The following NUBPL variants were observed in gnomAD, a reference collection of about 807,000 sequenced individuals.
NUBPL encodes NUBP iron-sulfur cluster assembly factor, mitochondrial.
Under a neutral mutation model 45.7 loss-of-function variants are expected in NUBPL, and 31 were observed. The observed-to-expected ratio is 0.68, with a 90% confidence interval of 0.51 to 0.92. The LOEUF is 0.92. NUBPL is among the 40% of genes least tolerant of loss of function. NUBPL has a pLI of 0.00. For missense variants in NUBPL, 401 were observed against 398.7 expected (o/e 1.01, Z -0.05); for synonymous variants, 144 against 140.9 (o/e 1.02, Z -0.15).
At chr14:31,776,109 G>A (rs573528185) in intron 6 of NUBPL, among the ~76,000 whole-genome samples, 56 of 152,022 alleles carry the variant, frequency 3.7e-4, no homozygotes, top group Non-Finnish European at 6.9e-4. Flanking sequence ...TTATAATTTG[G>A]TATTCTTATT....
chr14:31,711,894 C>A (rs1033108637), intron 6 of NUBPL, among the ~76,000 whole-genome samples: 4 of 151,666 alleles, frequency 2.6e-5, no homozygotes, highest in African/African-American at 9.7e-5. Flanking sequence ...TTTGTTCCTC[C>A]CGTCTGGAGT....
At chr14:31,776,026 A>G (rs2039092542) in intron 6 of NUBPL, among the ~76,000 whole-genome samples, 1 of 152,218 alleles carries the variant, frequency 6.6e-6, no homozygotes, top group South Asian at 2.1e-4. Flanking sequence ...GTGAGTCTCT[A>G]AGCCTCCAGA....
At chr14:31,765,098 A>C (rs1347535702) in intron 6 of NUBPL, among the ~76,000 whole-genome samples, 1 of 152,242 alleles carries the variant, frequency 6.6e-6, no homozygotes, top group African/African-American at 2.4e-5. Flanking sequence ...AACACGGGAA[A>C]GACATAGGTC....
intron 6 of NUBPL, among the ~76,000 whole-genome samples, chr14:31,674,885 C>T (rs1389533990): frequency 4.6e-5 from 7 of 151,988 alleles, no homozygotes; most frequent in Admixed American, 3.9e-4. Context: ...GCCTGTAATC[C>T]CAGCACTTTG....
intron 4 of NUBPL, among the ~76,000 whole-genome samples, chr14:31,618,518 G>A (rs912551965): frequency 6.6e-6 from 1 of 152,094 alleles, no homozygotes. Flanking sequence ...CTTTATTTCT[G>A]CCTTCATTTC....
chr14:31,638,071 G>T (rs776141550), intron 4 of NUBPL, among the ~76,000 whole-genome samples: 4 of 152,030 alleles, frequency 2.6e-5, no homozygotes, highest in Non-Finnish European at 5.9e-5. Flanking sequence ...TTTAATTGGA[G>T]CATTTAGGCC....
chr14:31,613,693 T>A (rs1447167189), intron 4 of NUBPL, among the ~76,000 whole-genome samples: 2 of 152,066 alleles, frequency 1.3e-5, no homozygotes, highest in African/African-American at 4.8e-5. Flanking sequence ...CCTGACCTTG[T>A]GATCCTCCTG....
At chr14:31,787,981 A>T in intron 7 of NUBPL, 108 bp downstream of exon 7, 2 of 709,062 alleles carry the variant, frequency 2.8e-6, no homozygotes, top group Non-Finnish European at 5.0e-6. Context: ...AAAAATATTC[A>T]TTCACTTATA....
At chr14:31,819,866 C>A (rs1029122835) in intron 7 of NUBPL, among the ~76,000 whole-genome samples, 1 of 152,030 alleles carries the variant, frequency 6.6e-6, no homozygotes, top group Non-Finnish European at 1.5e-5. Flanking sequence ...CTTGGCCAGG[C>A]GTGGTGGCTC....
At chr14:31,658,007 A>C (rs1359400909) in intron 4 of NUBPL, among the ~76,000 whole-genome samples, 1 of 152,210 alleles carries the variant, frequency 6.6e-6, no homozygotes, top group Non-Finnish European at 1.5e-5. Flanking sequence ...AAATCTACCT[A>C]AAAGATATGT....
At chr14:31,613,515 G>C (rs910062300) in intron 4 of NUBPL, among the ~76,000 whole-genome samples, 4 of 151,678 alleles carry the variant, frequency 2.6e-5, no homozygotes, top group African/African-American at 7.3e-5. Flanking sequence ...GCAGTGGTGC[G>C]ATCTCAGGTC....
chr14:31,645,869 A>G (rs1405170504), intron 4 of NUBPL, among the ~76,000 whole-genome samples: 1 of 142,552 alleles, frequency 7.0e-6, no homozygotes, highest in African/African-American at 2.6e-5. Context: ...TGTTTTCGAT[A>G]GATTTCTCTT....
At chr14:31,726,249 C>G (rs112344717) in intron 6 of NUBPL, among the ~76,000 whole-genome samples, 1,610 of 152,124 alleles carry the variant, frequency 0.011, 24 homozygotes, top group African/African-American at 0.037. Flanking sequence ...AAGATCTGTC[C>G]AAAGCACCGA....
intron 6 of NUBPL, among the ~76,000 whole-genome samples, chr14:31,769,662 T>TAA (rs397972624): frequency 2.7e-5 from 4 of 149,154 alleles, no homozygotes; most frequent in African/African-American, 9.8e-5. Flanking sequence ...TCCTTTTTTT[T>TAA]AAAAAAAAAA....
At chr14:31,846,221 A>G (rs2040449596) in intron 8 of NUBPL, 1 of 439,228 alleles carries the variant, frequency 2.3e-6, no homozygotes, top group East Asian at 4.8e-5. Flanking sequence ...TCTTCTTTCT[A>G]GGCAGAATTT....
At chr14:31,761,989 G>A (rs1041234967) in intron 6 of NUBPL, among the ~76,000 whole-genome samples, 2 of 151,950 alleles carry the variant, frequency 1.3e-5, no homozygotes, top group African/African-American at 4.8e-5. Context: ...AAGTTTTTTG[G>A]GGATCAGTTT....
chr14:31,667,634 T>C (rs938190070), intron 4 of NUBPL, among the ~76,000 whole-genome samples: 2 of 152,346 alleles, frequency 1.3e-5, no homozygotes, highest in East Asian at 3.9e-4. Flanking sequence ...AGAGGCATTC[T>C]GGTTTTTGGA....
intron 3 of NUBPL, among the ~76,000 whole-genome samples, chr14:31,586,346 T>C (rs561099811): frequency 1.3e-5 from 2 of 152,274 alleles, no homozygotes; most frequent in Admixed American, 6.5e-5. Flanking sequence ...TTAATTCCAG[T>C]CGTTCAAAGG....
chr14:31,634,874 G>T (rs1404057101), intron 4 of NUBPL, among the ~76,000 whole-genome samples: 2 of 150,220 alleles, frequency 1.3e-5, no homozygotes, highest in South Asian at 4.2e-4. Context: ...TCTTTTGGCT[G>T]CATAAATGTC....
Sources: gnomAD v4.1 joint callset for allele counts (sites outside exome capture counted in the v4.1 genomes callset) on GRCh38, gnomAD v4.1.1 for gene constraint, MANE v1.5 for transcripts, NCBI Gene and HGNC (gene_info 2026-07-23, HGNC 2026-07-21) for gene names.